The following SDK1 variants were observed in gnomAD, a reference collection of about 807,000 sequenced individuals.
SDK1 encodes protein sidekick-1.
A neutral mutation model predicts 245.5 loss-of-function variants in SDK1; 157 were observed. The ratio of observed to expected loss-of-function variants is 0.64; its 90% CI spans 0.56 to 0.73. SDK1 has a LOEUF of 0.73. Ranked by LOEUF, SDK1 falls within the 30% of genes least tolerant of loss-of-function variation. The probability of loss-of-function intolerance (pLI) is 0.00; values close to 1 mark genes in which losing one functional copy is unlikely to be tolerated. For synonymous variants in SDK1, 1,647 were observed against 1,278.5 expected (o/e 1.29, Z -6.15); for missense variants, 3,583 against 3,002.3 (o/e 1.19, Z -4.52).
intron 35 of SDK1, among the ~76,000 whole-genome samples, chr7:4,203,632 C>G (rs7801698): frequency 0.33 from 49,437 of 151,876 alleles, 8,805 homozygotes; most frequent in African/African-American, 0.47. Context: ...TGCTCCGTGT[C>G]TCCCAAACTG....
At chr7:4,219,981 T>A (rs936423732) in intron 38 of SDK1, 128 bp from the exon 39 acceptor site, 1 of 1,140,764 alleles carries the variant, frequency 8.8e-7, no homozygotes, top group African/African-American at 1.5e-5. Context: ...TATAAACTCC[T>A]AATAGTAAGA....
intron 1 of SDK1, among the ~76,000 whole-genome samples, chr7:3,576,550 T>C (rs1780298588): frequency 6.6e-6 from 1 of 152,052 alleles, no homozygotes; most frequent in Non-Finnish European, 1.5e-5. Flanking sequence ...ATCCAGAAAA[T>C]AATTGGATTT....
intron 1 of SDK1, among the ~76,000 whole-genome samples, chr7:3,388,703 G>C (rs1192563284): frequency 1.3e-5 from 2 of 152,138 alleles, no homozygotes; most frequent in Non-Finnish European, 2.9e-5. Context: ...ATTTTTAAGA[G>C]TTGATAAAGG....
chr7:3,489,182 G>T (rs1781794727), intron 1 of SDK1, among the ~76,000 whole-genome samples: 1 of 152,032 alleles, frequency 6.6e-6, no homozygotes, highest in African/African-American at 2.4e-5. Context: ...CTAGGGGTGG[G>T]TGCAGGCAGG....
At chr7:3,342,915 T>A (rs1780386212) in intron 1 of SDK1, among the ~76,000 whole-genome samples, 3 of 146,454 alleles carry the variant, frequency 2.0e-5, no homozygotes, top group Admixed American at 6.9e-5. Flanking sequence ...TGGCAAATAA[T>A]CACAGAAAAA....
intron 1 of SDK1, among the ~76,000 whole-genome samples, chr7:3,598,345 G>A (rs1375856823): frequency 6.6e-6 from 1 of 152,000 alleles, no homozygotes; most frequent in East Asian, 1.9e-4. Flanking sequence ...CTTACTCTGT[G>A]GCTTTCTTAT....
rs529992183 is a variant in SDK1, at chr7:3,635,799, C to T, written c.459-3205C>T. Reference sequence around the variant, plus strand: ...TTGGCTCACTGCAACCTCCACCTCCCGGGGTCAGGTGATCTTCCCACCTCA... The same window carrying T: ...TTGGCTCACTGCAACCTCCACCTCCTGGGGTCAGGTGATCTTCCCACCTCA... On this transcript the variant is annotated intron_variant, in intron 2 of 44. Transcript: ENST00000404826. Among the ~76,000 whole-genome samples the T allele has an allele frequency of 7.9e-5, 12 of 152,222 alleles. No homozygotes were observed. The East Asian group carries it at 9.7e-4, about 12-fold the overall frequency.
chr7:3,823,063 C>G (rs1474197320), intron 5 of SDK1, among the ~76,000 whole-genome samples: 1 of 152,012 alleles, frequency 6.6e-6, no homozygotes, highest in Non-Finnish European at 1.5e-5. Flanking sequence ...TGAGTGGGGT[C>G]TTTGTGATGC....
chr7:4,265,010 G>C lies in SDK1; in HGVS notation c.6382-114G>C, dbSNP rs1011097397. The C allele has an allele frequency of 2.0e-6, 3 of 1,473,138 alleles. No individual in the cohort carries two copies. The African/African-American group carries it at 4.2e-5, about 21-fold the overall frequency. 91.3% of individuals were successfully genotyped at this position (1,473,138 alleles called of 1,614,324 possible). On this transcript the variant is annotated intron_variant, in intron 44 of 44. Transcript: ENST00000404826. ...TTGGGTTGGGGTGGGGAGAGGGCTG[G>C]AGACCGCGACACACGCCCCTGGGGA...
intron 5 of SDK1, among the ~76,000 whole-genome samples, chr7:3,893,279 C>T (rs1369955114): frequency 6.6e-6 from 1 of 152,190 alleles, no homozygotes; most frequent in Non-Finnish European, 1.5e-5. Context: ...GGAATATGGG[C>T]ACGGGGGTCA....
chr7:3,566,401 A>G (rs1396365071), intron 1 of SDK1, among the ~76,000 whole-genome samples: 4 of 151,236 alleles, frequency 2.6e-5, no homozygotes, highest in Admixed American at 2.6e-4. Flanking sequence ...ATTTTTTTGT[A>G]TTTTCAGTAG....
rs1436285105 is a variant in SDK1 at position 4,261,863 on chromosome 7, G to A, written c.6382-3261G>A. Reference sequence around the variant, plus strand: ...AGCGCCTTGGTCTCTGTGCCACCAGGTGGATCCCCTAGGAGCCTGGGAAGC... The same window carrying A: ...AGCGCCTTGGTCTCTGTGCCACCAGATGGATCCCCTAGGAGCCTGGGAAGC... On this transcript the variant is annotated intron_variant, in intron 44 of 44. Coordinates refer to ENST00000404826, the MANE Select transcript of SDK1 (RefSeq NM_152744.4). 2.6e-5 allele frequency among the ~76,000 whole-genome samples: 4 copies of A among 152,046 alleles called. No homozygotes were observed. The Middle Eastern group carries it at 0.01, about 388-fold the overall frequency.
chr7:3,561,678 T>A (rs1421092080), intron 1 of SDK1, among the ~76,000 whole-genome samples: 20 of 152,202 alleles, frequency 1.3e-4, no homozygotes, highest in Admixed American at 1.3e-3. Flanking sequence ...TTATATGGAT[T>A]ATACTTGGCC....
intron 32 of SDK1, 25 bp downstream of exon 32, chr7:4,161,881 G>GT: frequency 6.2e-7 from 1 of 1,600,310 alleles, no homozygotes; most frequent in Non-Finnish European, 8.6e-7. Flanking sequence ...AATCACGCGC[G>GT]TTTTGTCAAA....
At chr7:4,019,660 T>C (rs995930249) in intron 17 of SDK1, among the ~76,000 whole-genome samples, 1 of 151,948 alleles carries the variant, frequency 6.6e-6, no homozygotes, top group African/African-American at 2.4e-5. Context: ...ATGCTGCACG[T>C]GCAGTTTCCC....
At chr7:3,840,380 A>G (rs1780126929) in intron 5 of SDK1, among the ~76,000 whole-genome samples, 1 of 152,230 alleles carries the variant, frequency 6.6e-6, no homozygotes, top group Non-Finnish European at 1.5e-5. Context: ...CTAATGCTAC[A>G]TGCCCATGAA....
intron 4 of SDK1, among the ~76,000 whole-genome samples, chr7:3,721,360 G>A (rs1165866781): frequency 6.6e-6 from 1 of 152,336 alleles, no homozygotes; most frequent in East Asian, 1.9e-4. Flanking sequence ...TCAGCACGAT[G>A]TTGGCACTGG....
chr7:4,110,834 C>A, intron 23 of SDK1, 62 bp downstream of exon 23: 1 of 1,143,450 alleles, frequency 8.7e-7, no homozygotes, highest in Non-Finnish European at 1.3e-6. Flanking sequence ...CAGGTGCCTT[C>A]TGTTGGCAAT....
At chr7:3,303,516 CA>C (rs1158765073) in intron 1 of SDK1, among the ~76,000 whole-genome samples, 4 of 152,086 alleles carry the variant, frequency 2.6e-5, no homozygotes, top group Admixed American at 2.6e-4. Context: ...TGCATTTTAA[CA>C]ACTGAAATGT....
Sources: allele counts gnomAD v4.1 joint callset (sites outside exome capture counted in the v4.1 genomes callset), GRCh38; gene constraint gnomAD v4.1.1; transcripts MANE v1.5; gene names NCBI Gene and HGNC (gene_info 2026-07-23, HGNC 2026-07-21).